Variants in GMFB observed in about 807,000 individuals in gnomAD.
GMFB encodes the protein GMF-beta.
A neutral mutation model predicts 25.6 loss-of-function variants in GMFB; 13 were observed. The ratio of observed to expected loss-of-function variants is 0.51; its 90% CI spans 0.33 to 0.81. GMFB has a LOEUF of 0.81. GMFB is among the 30% of genes least tolerant of loss of function. The pLI is 0.02. For missense variants in GMFB, 146 were observed against 175.4 expected (o/e 0.83, Z 0.95); for synonymous variants, 57 against 56.9 (o/e 1.00, Z 0.00).
Position 54,483,772 on chromosome 14 carries a change from AAAAG to A in GMFB, c.4-9_4-6del. The A allele has an allele frequency of 6.5e-7, 1 of 1,531,014 alleles. No homozygotes were observed. The highest frequency in any genetic ancestry group is 9.0e-7 in the Non-Finnish European group (1 of 1,108,088). The allele number at this position is 1,531,014 out of a possible 1,614,324, so 94.8% of individuals were successfully genotyped here. A position where few individuals can be genotyped will look rare whatever the true frequency, so the allele number is the denominator to read the frequency against. ...ACAAACAACCAAAGACTCACTCTAT[AAAAG>A]AAAAAAAACACACATAAAATGCCAT... On this transcript the variant is annotated splice_region_variant and splice_polypyrimidine_tract_variant and intron_variant, in intron 1 of 6. Transcript: ENST00000358056.
intron 1 of GMFB, among the ~76,000 whole-genome samples, chr14:54,486,055 G>T (rs1165020790): frequency 6.6e-6 from 1 of 152,074 alleles, no homozygotes; most frequent in Admixed American, 6.5e-5. Context: ...TTCGAGACCA[G>T]CCTGGCTAAC....
intron 1 of GMFB, among the ~76,000 whole-genome samples, chr14:54,486,381 T>C (rs1433237084): frequency 2.0e-5 from 3 of 152,168 alleles, no homozygotes; most frequent in Non-Finnish European, 4.4e-5. Flanking sequence ...CACTGGGCAA[T>C]TGCTTCAGGA....
chr14:54,478,902 G>A (rs1424877866), intron 6 of GMFB: 1 of 152,130 alleles, frequency 6.6e-6, no homozygotes, highest in East Asian at 1.9e-4. Context: ...GCACTGTAGG[G>A]CATCCCCAGG....
rs1261378003 is a variant in GMFB at position 54,476,683 on chromosome 14, A to G, written c.*1405T>C. 2 of 152,074 alleles carry G rather than the reference A, an allele frequency of 1.3e-5. No homozygotes were observed. The highest frequency in any genetic ancestry group is 4.8e-5 in the African/African-American group (2 of 41,442). 9.4% of individuals were successfully genotyped at this position (152,074 alleles called of 1,614,324 possible). ...AATTCCAACTATCTTTACTTCTCAC[A>G]GAAACCTCAAAAATAAAATGCAAAG... is the stretch of plus-strand genomic sequence containing the variant. On this transcript the variant is annotated 3_prime_UTR_variant, in exon 7 of 7. Coordinates refer to ENST00000358056, the MANE Select transcript of GMFB (RefSeq NM_004124.3).
At chr14:54,481,045 C>A in intron 4 of GMFB, 89 bp from the exon 5 acceptor site, 1 of 640,924 alleles carries the variant, frequency 1.6e-6, no homozygotes. Flanking sequence ...AAGTTTCTGT[C>A]CTATTCTTTT....
chr14:54,481,300 G>T, intron 4 of GMFB, 109 bp downstream of exon 4: 1 of 744,586 alleles, frequency 1.3e-6, no homozygotes, highest in Non-Finnish European at 2.4e-6. Flanking sequence ...TTTTAATTTG[G>T]CTGTCATCAT....
Position 54,476,467 on chromosome 14 carries a change from A to G in GMFB, c.*1621T>C, listed in dbSNP as rs1209850531. 6.6e-6 allele frequency: 1 copy of G among 152,036 alleles called. No individual in the cohort carries two copies. Among genetic ancestry groups the G allele is most frequent in the East Asian group, 1.9e-4 (1 of 5,204 alleles). 9.4% of individuals were successfully genotyped at this position (152,036 alleles called of 1,614,324 possible). A position where few individuals can be genotyped will look rare whatever the true frequency, so the allele number is the denominator to read the frequency against. The stretch of plus-strand genomic sequence containing the variant: ...CAATATCAAAATACCTGTTTAAAGA[A>G]TTTTTAAACTTCCTGGGTGAGTTTT... On this transcript the variant is annotated 3_prime_UTR_variant, in exon 7 of 7. Coordinates refer to ENST00000358056, the MANE Select transcript of GMFB (RefSeq NM_004124.3).
At chr14:54,487,442 G>T (rs2031802010) in intron 1 of GMFB, among the ~76,000 whole-genome samples, 1 of 152,274 alleles carries the variant, frequency 6.6e-6, no homozygotes, top group African/African-American at 2.4e-5. Context: ...GGCTGAGGCG[G>T]GAGAACGAAC....
At chr14:54,479,738 T>A (rs1303862876) in intron 6 of GMFB, 48 bp downstream of exon 6, 2 of 1,122,042 alleles carry the variant, frequency 1.8e-6, no homozygotes, top group South Asian at 2.5e-5. Flanking sequence ...TGCTTTATAG[T>A]CTAAAGGAAA....
At chr14:54,482,017 C>T in intron 3 of GMFB, 136 bp downstream of exon 3, 1 of 626,762 alleles carries the variant, frequency 1.6e-6, no homozygotes, top group Non-Finnish European at 2.9e-6. Flanking sequence ...ACAATTAGCA[C>T]ATGCTTTTAT....
chr14:54,487,556 A>G (rs1156576571), intron 1 of GMFB, among the ~76,000 whole-genome samples: 1 of 151,930 alleles, frequency 6.6e-6, no homozygotes, highest in Non-Finnish European at 1.5e-5. Context: ...ACAAACAAAA[A>G]AACAAAATTA....
At chr14:54,481,243 G>T (rs922352920) in intron 4 of GMFB, 166 bp downstream of exon 4, 1 of 589,808 alleles carries the variant, frequency 1.7e-6, no homozygotes, top group Non-Finnish European at 3.0e-6. Flanking sequence ...TTCATCCCAC[G>T]AATAAACCAA....
Position 54,483,739 on chromosome 14 carries a change from G to T in GMFB, c.32C>A (p.Ala11Asp). 1.2e-6 allele frequency: 2 copies of T among 1,608,012 alleles called. No individual in the cohort carries two copies. The highest frequency in any genetic ancestry group is 1.7e-6 in the Non-Finnish European group (2 of 1,175,234). ...TCTCAGCTTTTCCACTAAATCTTCG[G>T]CAACATCACAAACAACCAAAGACTC... MSESLVVCDVAEDLVEKLRKF... is the reference protein window; with the variant it reads MSESLVVCDVDEDLVEKLRKF... The change falls in exon 2 of 7, where the codon GCC (alanine) becomes GAC (aspartate). Residue 11 changes from alanine (A) to aspartate (D), a missense_variant. Physicochemically the swap from Ala to Asp is moderately radical, Grantham distance 126. Coordinates refer to ENST00000358056, the MANE Select transcript of GMFB (RefSeq NM_004124.3).
intron 5 of GMFB, chr14:54,480,487 ATCACTGT>A (rs2031695873): frequency 5.8e-6 from 1 of 172,114 alleles, no homozygotes; most frequent in Non-Finnish European, 1.2e-5. Context: ...TTATAAGCAT[ATCACTGT>A]TAACTACTAT....
At chr14:54,481,485 T>A in intron 3 of GMFB, 27 bp from the exon 4 acceptor site, 1 of 1,559,830 alleles carries the variant, frequency 6.4e-7, no homozygotes, top group Non-Finnish European at 8.8e-7. Flanking sequence ...AAGCAACTTT[T>A]AAACATTTTC....
chr14:54,483,687 G>T lies in GMFB; in HGVS notation c.84C>A (p.Asn28Lys). 6.3e-7 allele frequency: 1 copy of T among 1,583,788 alleles called. No individual in the cohort carries two copies. The highest frequency in any genetic ancestry group is 8.7e-7 in the Non-Finnish European group (1 of 1,152,750). Residue 28 changes from asparagine to lysine, a missense_variant, in exon 2 of 7, where the codon AAC becomes AAA. Transcript: ENST00000358056. The stretch of plus-strand genomic sequence containing the variant: ...TTAGCTTACTTATAATAGCAGCGTT[G>T]TTCGTTTCTTTGCGAAAACGAAACT... Reference protein sequence around the residue: ...LRKFRFRKETNNAAIIMKIDK... With the variant: ...LRKFRFRKETKNAAIIMKIDK...
At position 54,478,162 on chromosome 14, in the gene GMFB, T is replaced by TAAAA; in HGVS notation, c.358-4_358-3insTTTT. 2 of 1,218,922 alleles carry TAAAA rather than the reference T, an allele frequency of 1.6e-6. No individual in the cohort carries two copies. The highest frequency in any genetic ancestry group is 2.2e-6 in the Non-Finnish European group (2 of 899,058). The allele number at this position is 1,218,922 out of a possible 1,614,324, so 75.5% of individuals were successfully genotyped here. On this transcript the variant is annotated splice_polypyrimidine_tract_variant and splice_region_variant and intron_variant, in intron 6 of 6. Coordinates refer to ENST00000358056, the MANE Select transcript of GMFB (RefSeq NM_004124.3). Reference sequence around the variant, plus strand: ...TCGGTATTTCTTATTTCAAATACCTTTAAAAAAAAAAAAAACTTGGGTCAT... The same window carrying TAAAA: ...TCGGTATTTCTTATTTCAAATACCTTAAAATAAAAAAAAAAAAAACTTGGGTCAT...
rs762965315 is a variant in GMFB, at chr14:54,482,133, AT to A, written c.150+19del. 3 of 1,457,446 alleles carry A rather than the reference AT, an allele frequency of 2.1e-6. No homozygotes were observed. The highest frequency in any genetic ancestry group is 2.9e-6 in the Non-Finnish European group (3 of 1,038,178). The allele number at this position is 1,457,446 out of a possible 1,614,324, so 90.3% of individuals were successfully genotyped here. A position where few individuals can be genotyped will look rare whatever the true frequency, so the allele number is the denominator to read the frequency against. ...AATAATTACTTAACTATAAAATTGT[AT>A]TTAGTTCATTGAACAAACCTCAAGC... On this transcript the variant is annotated intron_variant, in intron 3 of 6. Transcript: ENST00000358056.
At chr14:54,486,143 G>A (rs1273955136) in intron 1 of GMFB, among the ~76,000 whole-genome samples, 8 of 152,042 alleles carry the variant, frequency 5.3e-5, no homozygotes, top group African/African-American at 7.2e-5. Flanking sequence ...CCAGCTACTC[G>A]GGAGGCTGAG....
Sources: allele counts gnomAD v4.1 joint callset (sites outside exome capture counted in the v4.1 genomes callset), GRCh38; gene constraint gnomAD v4.1.1; transcripts MANE v1.5; gene names NCBI Gene and HGNC (gene_info 2026-07-23, HGNC 2026-07-21).